The following KIAA1217 variants were observed in gnomAD, a reference collection of about 807,000 sequenced individuals.
KIAA1217 encodes the protein KIAA1217.
Under a neutral mutation model 163.9 loss-of-function variants are expected in KIAA1217, and 88 were observed. That is an observed-to-expected ratio of 0.54 (90% confidence interval 0.45 to 0.64). KIAA1217 has a LOEUF of 0.64. Among genes scored for constraint, KIAA1217 ranks in the 30% least tolerant of loss-of-function variants. The probability of loss-of-function intolerance (pLI) is 0.00; values close to 1 mark genes in which losing one functional copy is unlikely to be tolerated. For synonymous variants in KIAA1217, 903 were observed against 923.1 expected (o/e 0.98, Z 0.39); for missense variants, 2,372 against 2,475.0 (o/e 0.96, Z 0.88).
intron 2 of KIAA1217, among the ~76,000 whole-genome samples, chr10:24,275,486 C>G (rs888491215): frequency 1.3e-5 from 2 of 152,184 alleles, no homozygotes; most frequent in Non-Finnish European, 2.9e-5. Context: ...TTGGGAAACT[C>G]CAGTTGTCCA....
chr10:24,030,017 G>A (rs1163927144), intron 2 of KIAA1217, among the ~76,000 whole-genome samples: 1 of 152,106 alleles, frequency 6.6e-6, no homozygotes, highest in Non-Finnish European at 1.5e-5. Flanking sequence ...TTGCATCTAG[G>A]CATTGCCCAG....
At chr10:23,830,644 G>T (rs1370332902) in intron 1 of KIAA1217, among the ~76,000 whole-genome samples, 1 of 151,916 alleles carries the variant, frequency 6.6e-6, no homozygotes, top group Non-Finnish European at 1.5e-5. Context: ...GATGATAGAC[G>T]ATTGATAGAA....
chr10:23,700,248 A>G (rs1163808233), intron 1 of KIAA1217, among the ~76,000 whole-genome samples: 6 of 152,036 alleles, frequency 3.9e-5, no homozygotes, highest in Non-Finnish European at 7.4e-5. Context: ...CCATTAACCA[A>G]TCCTGCAGCT....
intron 2 of KIAA1217, among the ~76,000 whole-genome samples, chr10:24,182,950 T>C (rs10828613): frequency 0.33 from 50,340 of 152,022 alleles, 8,463 homozygotes; most frequent in Middle Eastern, 0.4. Context: ...GTGGTGGCAT[T>C]AGGAGATGGG....
intron 1 of KIAA1217, among the ~76,000 whole-genome samples, chr10:23,716,167 A>G (rs1414694423): frequency 6.6e-6 from 1 of 152,196 alleles, no homozygotes; most frequent in Non-Finnish European, 1.5e-5. Context: ...TGAACATAAT[A>G]GATGTTGTGC....
intron 2 of KIAA1217, among the ~76,000 whole-genome samples, chr10:24,089,377 A>G (rs533098944): frequency 8.0e-6 from 1 of 125,280 alleles, no homozygotes; most frequent in East Asian, 1.9e-4. Flanking sequence ...GCCCATGCCT[A>G]TGTCCCGAAT....
At chr10:24,335,559 CTTTA>C (rs1234892434) in intron 2 of KIAA1217, among the ~76,000 whole-genome samples, 1 of 150,352 alleles carries the variant, frequency 6.7e-6, no homozygotes, top group Non-Finnish European at 1.5e-5. Flanking sequence ...AGATTGTGTA[CTTTA>C]TTTTATTTAA....
chr10:24,139,976 C>T (rs1319986447), intron 2 of KIAA1217, among the ~76,000 whole-genome samples: 4 of 151,756 alleles, frequency 2.6e-5, no homozygotes, highest in Non-Finnish European at 5.9e-5. Context: ...TAGATTTGTT[C>T]TTCCCATAGA....
chr10:24,362,913 G>A (rs2050214782), intron 2 of KIAA1217, among the ~76,000 whole-genome samples: 1 of 150,656 alleles, frequency 6.6e-6, no homozygotes, highest in Non-Finnish European at 1.5e-5. Context: ...CTGGGTGACA[G>A]AGTGAAACTG....
At chr10:23,944,999 C>T (rs2131342397) in intron 1 of KIAA1217, among the ~76,000 whole-genome samples, 1 of 147,220 alleles carries the variant, frequency 6.8e-6, no homozygotes, top group African/African-American at 2.5e-5. Context: ...GCGGAGGTTG[C>T]AGTGAGAAGT....
intron 1 of KIAA1217, among the ~76,000 whole-genome samples, chr10:23,983,851 G>A (rs1045056573): frequency 9.9e-5 from 15 of 152,130 alleles, no homozygotes; most frequent in Middle Eastern, 3.2e-3. Context: ...ATTGACATTA[G>A]GTCCATATGT....
At chr10:23,808,707 A>G (rs1836853323) in intron 1 of KIAA1217, among the ~76,000 whole-genome samples, 1 of 152,098 alleles carries the variant, frequency 6.6e-6, no homozygotes, top group Admixed American at 6.6e-5. Context: ...ACCTCAACAT[A>G]TGTCTAATAA....
intron 6 of KIAA1217, chr10:24,481,934 A>G (rs1182337040): frequency 6.6e-6 from 1 of 152,212 alleles, no homozygotes; most frequent in African/African-American, 2.4e-5. Flanking sequence ...CATGGTACCT[A>G]TAAAAATGAC....
chr10:24,129,194 A>T (rs1258236870), intron 2 of KIAA1217, among the ~76,000 whole-genome samples: 1 of 152,170 alleles, frequency 6.6e-6, no homozygotes, highest in East Asian at 1.9e-4. Context: ...CTTTTAATTT[A>T]TACTTTCAAT....
At chr10:24,238,809 A>G (rs2072649863) in intron 2 of KIAA1217, among the ~76,000 whole-genome samples, 1 of 152,194 alleles carries the variant, frequency 6.6e-6, no homozygotes, top group Non-Finnish European at 1.5e-5. Flanking sequence ...TCTTCCACCA[A>G]TTAAGTGCAT....
At chr10:24,443,727 G>T (rs1165901226) in intron 5 of KIAA1217, among the ~76,000 whole-genome samples, 2 of 152,118 alleles carry the variant, frequency 1.3e-5, no homozygotes, top group African/African-American at 2.4e-5. Flanking sequence ...GGAATCAGGA[G>T]ATATTAAGGG....
intron 2 of KIAA1217, among the ~76,000 whole-genome samples, chr10:24,379,763 T>C (rs2053032401): frequency 6.6e-6 from 1 of 151,472 alleles, no homozygotes; most frequent in African/African-American, 2.4e-5. Context: ...CAAAAATCAT[T>C]AATAAGGCCG....
chr10:24,253,495 C>T (rs1349086814), intron 2 of KIAA1217, among the ~76,000 whole-genome samples: 2 of 152,178 alleles, frequency 1.3e-5, no homozygotes, highest in African/African-American at 2.4e-5. Context: ...AAGCCAAATG[C>T]TGGTATTTCT....
intron 2 of KIAA1217, among the ~76,000 whole-genome samples, chr10:24,186,505 A>G (rs369042907): frequency 6.6e-6 from 1 of 152,286 alleles, no homozygotes; most frequent in African/African-American, 2.4e-5. Flanking sequence ...ATCTTTGGAT[A>G]TAATTATACC....
Sources: gnomAD v4.1 joint callset for allele counts (sites outside exome capture counted in the v4.1 genomes callset) on GRCh38, gnomAD v4.1.1 for gene constraint, MANE v1.5 for transcripts, NCBI Gene and HGNC (gene_info 2026-07-23, HGNC 2026-07-21) for gene names.